Variants in NSDHL observed in about 807,000 individuals in gnomAD.
The protein encoded by NSDHL is sterol-4-alpha-carboxylate 3-dehydrogenase, decarboxylating.
NSDHL carries 1 observed loss-of-function variant against 23.0 expected under a neutral mutation model. The observed-to-expected ratio is 0.04, with a 90% CI of 0.02 to 0.21. The LOEUF (loss-of-function observed/expected upper bound fraction) is 0.21. NSDHL is among the 10% of genes least tolerant of loss of function. NSDHL has a pLI of 1.00. For missense variants in NSDHL, 237 were observed against 300.9 expected, an observed-to-expected ratio of 0.79 and a Z score of 1.57; for synonymous variants, 128 against 121.1, an observed-to-expected ratio of 1.06 and a Z score of -0.37.
intron 3 of NSDHL, among the ~76,000 whole-genome samples, chrX:152,857,252 T>A (rs1373156708): frequency 8.9e-6 from 1 of 112,508 alleles, no homozygotes; most frequent in Non-Finnish European, 1.9e-5. Context: ...ATGCTGAGGT[T>A]AATTGGTAGA....
chrX:152,834,668 T>C (rs2125000817), intron 1 of NSDHL, among the ~76,000 whole-genome samples: 1 of 112,789 alleles, frequency 8.9e-6, no homozygotes, highest in East Asian at 2.8e-4. Flanking sequence ...GGTGAATCCT[T>C]CTCTTTGCAT....
rs782248189 is a variant in NSDHL at position 152,855,836 on chromosome X, A to G, written c.268-2934A>G. ...ATTTCAGTATTTGTCTCTAAAAGATAAGGATTATTTTTAAAAACATTGACA... is the reference window on the plus strand; with the variant it reads ...ATTTCAGTATTTGTCTCTAAAAGATGAGGATTATTTTTAAAAACATTGACA... On this transcript the variant is annotated intron_variant, in intron 3 of 7. Coordinates refer to ENST00000370274, the MANE Select transcript of NSDHL (RefSeq NM_015922.3). 3.2e-4 allele frequency among the ~76,000 whole-genome samples: 36 copies of G among 112,605 alleles called. No homozygotes were observed. In the South Asian group the frequency reaches 0.012, roughly 39 times the overall value.
intron 5 of NSDHL, among the ~76,000 whole-genome samples, chrX:152,865,020 C>T (rs782607399): frequency 8.9e-6 from 1 of 112,570 alleles, no homozygotes; most frequent in African/African-American, 3.2e-5. Context: ...CATGCAGCCC[C>T]GTCAGGGTAG....
chrX:152,850,469 G>A (rs1933339932), intron 3 of NSDHL, 46 bp downstream of exon 3: 1 of 1,142,579 alleles, frequency 8.8e-7, no homozygotes, highest in Admixed American at 2.2e-5. Flanking sequence ...GCCCACGAAG[G>A]GAAACCACGA....
At chrX:152,857,518 C>A (rs1265370650) in intron 3 of NSDHL, among the ~76,000 whole-genome samples, 1 of 111,670 alleles carries the variant, frequency 9.0e-6, no homozygotes, top group Non-Finnish European at 1.9e-5. Flanking sequence ...ATAAAATAAC[C>A]CAAACCCTTG....
intron 1 of NSDHL, among the ~76,000 whole-genome samples, chrX:152,840,965 G>T (rs2125004323): frequency 8.8e-6 from 1 of 113,265 alleles, no homozygotes; most frequent in African/African-American, 3.2e-5. Context: ...GCTCTGCCCA[G>T]TTCGAGCTTC....
At chrX:152,851,718 C>T (rs1312020537) in intron 3 of NSDHL, among the ~76,000 whole-genome samples, 1 of 110,578 alleles carries the variant, frequency 9.0e-6, no homozygotes, top group Non-Finnish European at 1.9e-5. Flanking sequence ...GTACAAACCC[C>T]GACACCGTTC....
chrX:152,831,997 C>T (rs970611577), intron 1 of NSDHL, among the ~76,000 whole-genome samples: 2 of 111,400 alleles, frequency 1.8e-5, no homozygotes, highest in African/African-American at 3.3e-5. Context: ...CATCATCATC[C>T]CCCCAAGTAG....
rs60548592 is a variant in NSDHL, at chrX:152,846,241, C to T, written c.-43-41C>T. On this transcript the variant is annotated intron_variant, in intron 1 of 7. Transcript: ENST00000370274. ...ACACTAACAACTAAAGATGTTTTGA[C>T]TTAGGCAACATTAATGTCTGTCTCT... 5 of 725,256 alleles carry T rather than the reference C, an allele frequency of 6.9e-6. No homozygotes were observed. In the South Asian group the frequency reaches 8.5e-5, roughly 12 times the overall value. 59.8% of individuals were successfully genotyped at this position (725,256 alleles called of 1,213,427 possible). A position where few individuals can be genotyped will look rare whatever the true frequency, so the allele number is the denominator to read the frequency against.
chrX:152,835,376 A>G (rs1933077548), intron 1 of NSDHL, among the ~76,000 whole-genome samples: 1 of 108,744 alleles, frequency 9.2e-6, no homozygotes, highest in African/African-American at 3.4e-5. Flanking sequence ...ATAGGTATAC[A>G]TGTGCCATCT....
At position 152,865,980 on chromosome X, in the gene NSDHL, G is replaced by A. The variant is rs1933602000; in HGVS notation, c.686+19G>A. 1 of 1,209,895 alleles carries A rather than the reference G, an allele frequency of 8.3e-7. No homozygotes were observed. Among genetic ancestry groups the A allele is most frequent in the Middle Eastern group, 2.3e-4 (1 of 4,349 alleles). On this transcript the variant is annotated intron_variant, in intron 6 of 7. Transcript: ENST00000370274. The stretch of plus-strand genomic sequence containing the variant: ...TGATTGGGTGAGTCAGCCCACAGCG[G>A]CTCTTCCCTAGTCCTTCCTGGTCCA...
At position 152,852,290 on chromosome X, in the gene NSDHL, T is replaced by C. The variant is rs186086252; in HGVS notation, c.267+1867T>C. 5.4e-5 allele frequency among the ~76,000 whole-genome samples: 6 copies of C among 111,173 alleles called. No individual in the cohort carries two copies. In the East Asian group the frequency reaches 1.4e-3, roughly 26 times the overall value. ...TAATTCACAGAATTGGTTTACATGA[T>C]TGTGGGGGCTGACTAGGCAAGTCTG... On this transcript the variant is annotated intron_variant, in intron 3 of 7. Coordinates refer to ENST00000370274, the MANE Select transcript of NSDHL (RefSeq NM_015922.3).
At position 152,868,828 on chromosome X, in the gene NSDHL, C is replaced by G; in HGVS notation, c.834C>G (p.Phe278Leu). The G allele has an allele frequency of 8.3e-7, 1 of 1,211,532 alleles. No homozygotes were observed. Among genetic ancestry groups the G allele is most frequent in the Non-Finnish European group, 1.1e-6 (1 of 895,161 alleles). ...TNDEPIPFWT[F>L]LSRILTGLNY... ...ATGAGCCCATCCCTTTCTGGACATT[C>G]CTGTCTCGCATCCTGACAGGCCTCA... Residue 278 changes from phenylalanine (F) to leucine (L), a missense_variant, in exon 8 of 8, where the codon TTC (phenylalanine) becomes TTG (leucine). Physicochemically the swap from Phe to Leu is conservative, Grantham distance 22 (BLOSUM62 0). Coordinates refer to ENST00000370274, the MANE Select transcript of NSDHL (RefSeq NM_015922.3).
chrX:152,853,976 T>C (rs973745970), intron 3 of NSDHL, among the ~76,000 whole-genome samples: 6 of 112,538 alleles, frequency 5.3e-5, no homozygotes, highest in South Asian at 3.7e-4. Context: ...GCAGAGGAAA[T>C]CTCTGAAATT....
intron 3 of NSDHL, among the ~76,000 whole-genome samples, chrX:152,851,284 C>A (rs1363596251): frequency 7.1e-5 from 8 of 112,071 alleles, no homozygotes; most frequent in African/African-American, 2.6e-4. Flanking sequence ...TTCAGAGTCA[C>A]ATGTCCTCCC....
chrX:152,856,670 TG>T (rs200214553), intron 3 of NSDHL, among the ~76,000 whole-genome samples: 3,028 of 112,470 alleles, frequency 0.027, 95 homozygotes, highest in African/African-American at 0.092. Context: ...AGAGCCAACT[TG>T]AAGGGCTTCC....
At chrX:152,847,573 A>G (rs1843314630) in intron 2 of NSDHL, among the ~76,000 whole-genome samples, 1 of 112,093 alleles carries the variant, frequency 8.9e-6, no homozygotes, top group African/African-American at 3.2e-5. Flanking sequence ...GGTTATAGCA[A>G]ACTGCCATTT....
At chrX:152,855,012 TGA>T (rs1933421139) in intron 3 of NSDHL, among the ~76,000 whole-genome samples, 1 of 108,155 alleles carries the variant, frequency 9.2e-6, no homozygotes, top group Non-Finnish European at 1.9e-5. Context: ...TTTTTTTTTT[TGA>T]GACGGAGTCT....
At chrX:152,864,749 T>G (rs782156051) in intron 5 of NSDHL, among the ~76,000 whole-genome samples, 1 of 111,626 alleles carries the variant, frequency 9.0e-6, no homozygotes, top group Non-Finnish European at 1.9e-5. Flanking sequence ...GTGGAAGCCA[T>G]TTGAGGGTTT....
Sources: gnomAD v4.1 joint callset for allele counts (sites outside exome capture counted in the v4.1 genomes callset) on GRCh38, gnomAD v4.1.1 for gene constraint, MANE v1.5 for transcripts, NCBI Gene and HGNC (gene_info 2026-07-23, HGNC 2026-07-21) for gene names.